The following SOX5 variants were observed in gnomAD, a reference collection of about 807,000 sequenced individuals.
SOX5 encodes SRY-box transcription factor 5.
Under a neutral mutation model 92.0 loss-of-function variants are expected in SOX5, and 9 were observed. That is an observed-to-expected ratio of 0.10 (90% CI 0.06 to 0.17). SOX5 has a LOEUF of 0.17. Among genes scored for constraint, SOX5 ranks in the 10% least tolerant of loss-of-function variants. SOX5 has a pLI of 1.00. For synonymous variants in SOX5, 344 were observed against 336.3 expected, an observed-to-expected ratio of 1.02 and a Z score of -0.25; for missense variants, 642 against 944.5, an observed-to-expected ratio of 0.68 and a Z score of 4.20.
At chr12:23,876,649 T>C (rs1014356217) in intron 2 of SOX5, among the ~76,000 whole-genome samples, 5 of 152,226 alleles carry the variant, frequency 3.3e-5, no homozygotes, top group Non-Finnish European at 7.3e-5. Context: ...ACTGGGTATA[T>C]ACCCAAAGGA....
At chr12:23,856,879 G>T (rs938423475) in intron 2 of SOX5, among the ~76,000 whole-genome samples, 1 of 151,996 alleles carries the variant, frequency 6.6e-6, no homozygotes, top group Non-Finnish European at 1.5e-5. Context: ...CACTCTTTTA[G>T]GATTGTTCAT....
chr12:23,580,413 C>A (rs1949881888), intron 9 of SOX5, among the ~76,000 whole-genome samples: 1 of 151,928 alleles, frequency 6.6e-6, no homozygotes, highest in South Asian at 2.1e-4. Context: ...CTATTCTATA[C>A]ATTAAAAAGT....
At chr12:24,132,857 T>A (rs985123191) in intron 4 of SOX5, among the ~76,000 whole-genome samples, 4 of 152,064 alleles carry the variant, frequency 2.6e-5, no homozygotes, top group Admixed American at 2.0e-4. Flanking sequence ...TGATAAGCTT[T>A]TGCAAGGGTT....
chr12:24,486,821 C>T (rs771208322), intron 1 of SOX5, among the ~76,000 whole-genome samples: 3 of 152,190 alleles, frequency 2.0e-5, no homozygotes. Flanking sequence ...CCCTTAAAAC[C>T]ATTAAACTCT....
chr12:23,533,616 C>T lies in SOX5; in HGVS notation c.*603G>A, dbSNP rs186785434. The T allele has an allele frequency of 6.5e-6, 1 of 153,766 alleles. No individual in the cohort carries two copies. Among genetic ancestry groups the T allele is most frequent in the Admixed American group, 6.5e-5 (1 of 15,398 alleles). 9.5% of individuals were successfully genotyped at this position (153,766 alleles called of 1,614,324 possible). On this transcript the variant is annotated 3_prime_UTR_variant, in exon 15 of 15. Transcript: ENST00000451604. ...AAAAACAGGCTCTTTTTCCCTCTTT[C>T]CCCTCATGCACAGACTTCCATCTTT...
intron 3 of SOX5, among the ~76,000 whole-genome samples, chr12:23,809,760 CT>C (rs34337302): frequency 0.011 from 1,527 of 133,282 alleles, 12 homozygotes; most frequent in African/African-American, 0.031. Context: ...AAATGAAAGT[CT>C]TTTTTTTTTT....
Position 24,042,577 on chromosome 12 carries a change from T to C in SOX5, c.-1-146553A>G, listed in dbSNP as rs191955311. ...GTCATCCATATCCATCATATATATT[T>C]AGCCTTTTTTAAAAAGTATATTTAG... On this transcript the variant is annotated intron_variant, in intron 4 of 4. Transcript: ENST00000446891. 2.1e-3 allele frequency among the ~76,000 whole-genome samples: 325 copies of C among 152,268 alleles called. 5 individuals carry two copies. The highest frequency in any genetic ancestry group is 0.019 in the Admixed American group (296 of 15,296).
At chr12:24,130,604 A>G (rs1173310032) in intron 4 of SOX5, among the ~76,000 whole-genome samples, 2 of 152,192 alleles carry the variant, frequency 1.3e-5, no homozygotes, top group Non-Finnish European at 2.9e-5. Flanking sequence ...TCCCTAGACC[A>G]ATGACTATAG....
At chr12:23,726,343 C>T (rs897983780) in intron 6 of SOX5, among the ~76,000 whole-genome samples, 1 of 152,062 alleles carries the variant, frequency 6.6e-6, no homozygotes, top group East Asian at 1.9e-4. Context: ...TAGAGTAATT[C>T]ATTTTGTTAA....
intron 3 of SOX5, among the ~76,000 whole-genome samples, chr12:23,835,393 T>C (rs1354365572): frequency 6.6e-6 from 1 of 151,892 alleles, no homozygotes; most frequent in African/African-American, 2.4e-5. Flanking sequence ...TATATATCTC[T>C]GTCTTGGTCT....
chr12:23,605,418 A>G (rs897780343), intron 8 of SOX5, among the ~76,000 whole-genome samples: 2 of 148,546 alleles, frequency 1.3e-5, no homozygotes, highest in East Asian at 3.9e-4. Context: ...ATGTAAGAAA[A>G]TAATTATTAA....
intron 10 of SOX5, among the ~76,000 whole-genome samples, chr12:23,571,895 C>G (rs1025086545): frequency 3.0e-4 from 46 of 151,540 alleles, no homozygotes; most frequent in African/African-American, 1.0e-3. Context: ...AATTGTAGAA[C>G]AGCTGCAGTG....
chr12:24,483,927 G>A (rs1197894734), intron 1 of SOX5, among the ~76,000 whole-genome samples: 2 of 152,162 alleles, frequency 1.3e-5, no homozygotes, highest in Admixed American at 1.3e-4. Flanking sequence ...AAGAAAATGT[G>A]CTGAATCAGA....
intron 6 of SOX5, among the ~76,000 whole-genome samples, chr12:23,714,761 C>T (rs1371623121): frequency 6.6e-6 from 1 of 152,112 alleles, no homozygotes; most frequent in Admixed American, 6.5e-5. Flanking sequence ...AAGCTATTAT[C>T]TATAGATGAA....
At chr12:24,555,271 T>C (rs981256131) in intron 1 of SOX5, among the ~76,000 whole-genome samples, 5 of 152,136 alleles carry the variant, frequency 3.3e-5, no homozygotes, top group Admixed American at 6.5e-5. Context: ...GGTAAGGAAA[T>C]GAAGAGAGTT....
At chr12:23,769,970 G>T (rs901252606) in intron 3 of SOX5, among the ~76,000 whole-genome samples, 1 of 150,608 alleles carries the variant, frequency 6.6e-6, no homozygotes, top group Non-Finnish European at 1.5e-5. Flanking sequence ...AGATGGCCGG[G>T]TGTATTTTCC....
intron 4 of SOX5, among the ~76,000 whole-genome samples, chr12:24,134,462 T>A (rs1360883508): frequency 6.6e-6 from 1 of 152,180 alleles, no homozygotes; most frequent in Non-Finnish European, 1.5e-5. Context: ...GAGAAAACTT[T>A]AATAAAAACA....
At chr12:23,988,668 C>A (rs1263309920) in intron 4 of SOX5, among the ~76,000 whole-genome samples, 7 of 152,076 alleles carry the variant, frequency 4.6e-5, no homozygotes, top group African/African-American at 1.7e-4. Flanking sequence ...GATGCTTAAA[C>A]CAAAGTGAAT....
intron 1 of SOX5, among the ~76,000 whole-genome samples, chr12:24,419,679 C>A (rs1965610993): frequency 6.6e-6 from 1 of 152,144 alleles, no homozygotes; most frequent in Admixed American, 6.6e-5. Context: ...CTAGTGCTTA[C>A]TCCCTTATTT....
Sources: allele counts gnomAD v4.1 joint callset (sites outside exome capture counted in the v4.1 genomes callset), GRCh38; gene constraint gnomAD v4.1.1; transcripts MANE v1.5; gene names NCBI Gene and HGNC (gene_info 2026-07-23, HGNC 2026-07-21).